The following DNAH11 variants were observed in gnomAD, a reference collection of about 807,000 sequenced individuals.
The protein encoded by DNAH11 is axonemal beta dynein heavy chain 11.
Under a neutral mutation model 526.0 loss-of-function variants are expected in DNAH11, and 442 were observed. The observed-to-expected ratio is 0.84, with a 90% CI of 0.78 to 0.91. The LOEUF is 0.91. DNAH11 is among the 40% of genes least tolerant of loss of function. The probability of loss-of-function intolerance (pLI) is 0.00; values close to 1 mark genes in which losing one functional copy is unlikely to be tolerated. For synonymous variants in DNAH11, 2,461 were observed against 1,935.9 expected (o/e 1.27, Z -7.12); for missense variants, 6,989 against 5,448.7 (o/e 1.28, Z -8.90).
intron 6 of DNAH11, 103 bp downstream of exon 6, chr7:21,564,500 T>C: frequency 3.9e-6 from 3 of 772,524 alleles, no homozygotes; most frequent in Non-Finnish European, 5.8e-6. Context: ...ACACCATCTT[T>C]CTTTTTCTTT....
rs114768888 is a variant in DNAH11, at chr7:21,687,349, G to A, written c.5779-33G>A. On this transcript the variant is annotated intron_variant, in intron 33 of 81. Transcript: ENST00000409508. ...ATATAATAGCGTAAAAACCCCTTCT[G>A]TTAAATTCTGAGTGCCTCACTTTAT... The A allele has an allele frequency of 7.1e-4, 1,130 of 1,588,104 alleles. 6 individuals are homozygous for A. The African/African-American group carries it at 0.014, about 19-fold the overall frequency.
chr7:21,682,518 T>C (rs952208614), intron 31 of DNAH11, among the ~76,000 whole-genome samples: 7 of 96,442 alleles, frequency 7.3e-5, no homozygotes, highest in Admixed American at 6.7e-4. Flanking sequence ...AGAGCGAGAC[T>C]CCATCTCAAA....
chr7:21,770,839 G>A (rs1190505970), intron 55 of DNAH11, among the ~76,000 whole-genome samples: 1 of 152,098 alleles, frequency 6.6e-6, no homozygotes, highest in Non-Finnish European at 1.5e-5. Context: ...CTTTGTCCCT[G>A]GCTCCCTCCG....
intron 54 of DNAH11, among the ~76,000 whole-genome samples, chr7:21,756,385 G>C (rs573207513): frequency 6.6e-6 from 1 of 151,838 alleles, no homozygotes; most frequent in African/African-American, 2.4e-5. Context: ...ATTTGTTCCT[G>C]CATAATTGCC....
intron 49 of DNAH11, 24 bp from the exon 50 acceptor site, chr7:21,744,414 A>ATT (rs1562522168): frequency 4.4e-6 from 7 of 1,608,962 alleles, no homozygotes; most frequent in Admixed American, 1.7e-5. Context: ...AATTAAAGGT[A>ATT]TTTTCCCCAT....
chr7:21,819,043 C>T (rs1331228200), intron 65 of DNAH11, among the ~76,000 whole-genome samples: 3 of 152,108 alleles, frequency 2.0e-5, no homozygotes, highest in Non-Finnish European at 2.9e-5. Flanking sequence ...TCAGGTGCAG[C>T]AATTGTGTCT....
At chr7:21,644,638 G>T (rs62447804) in intron 28 of DNAH11, among the ~76,000 whole-genome samples, 31 of 152,312 alleles carry the variant, frequency 2.0e-4, no homozygotes, top group African/African-American at 7.5e-4. Flanking sequence ...CAGAAAAGGG[G>T]TCATGGTTTT....
chr7:21,612,225 T>A (rs1397452877), intron 20 of DNAH11, among the ~76,000 whole-genome samples: 1 of 151,990 alleles, frequency 6.6e-6, no homozygotes, highest in Non-Finnish European at 1.5e-5. Flanking sequence ...AAGAAAAATA[T>A]TAACCAGTAG....
intron 31 of DNAH11, 51 bp downstream of exon 31, chr7:21,681,728 G>A (rs773253778): frequency 6.2e-7 from 1 of 1,605,786 alleles, no homozygotes; most frequent in South Asian, 1.1e-5. Context: ...CCTGAAAGTG[G>A]TGTTTATTGC....
rs1342708760 is a variant in DNAH11 at position 21,867,937 on chromosome 7, C to T, written c.11769C>T (p.Ser3923=). 3.2e-6 allele frequency: 5 copies of T among 1,572,206 alleles called. No homozygotes were observed. The highest frequency in any genetic ancestry group is 4.3e-6 in the Non-Finnish European group (5 of 1,157,450). Reference sequence around the variant, plus strand: ...ACTTAGTTAAAGCATTCGAAGAAAGCAGCCCAGCCACCCCCATATTCTTCA... The same window carrying T: ...ACTTAGTTAAAGCATTCGAAGAAAGTAGCCCAGCCACCCCCATATTCTTCA... ...RLDLVKAFEE[S]SPATPIFFIL... The change falls in exon 72 of 82, where the codon AGC becomes AGT. Residue 3923 remains serine, a synonymous_variant. Coordinates refer to ENST00000409508, the MANE Select transcript of DNAH11 (RefSeq NM_001277115.2).
chr7:21,710,717 C>G lies in DNAH11; in HGVS notation c.6834+14C>G. ...GATGATAACAAGGTGAATAAAACCT[C>G]TGTTCTCAACCTTAAATATAACATC... On this transcript the variant is annotated intron_variant, in intron 41 of 81. Transcript: ENST00000409508. The G allele has an allele frequency of 6.2e-7, 1 of 1,603,372 alleles. No individual in the cohort carries two copies. Among genetic ancestry groups the G allele is most frequent in the Non-Finnish European group, 8.5e-7 (1 of 1,175,206 alleles).
intron 14 of DNAH11, among the ~76,000 whole-genome samples, chr7:21,597,315 A>G (rs930764957): frequency 2.0e-5 from 3 of 152,186 alleles, no homozygotes; most frequent in African/African-American, 7.2e-5. Flanking sequence ...CTGGGAGGTC[A>G]AGAGGGCTGG....
chr7:21,600,228 G>C (rs1785024197), intron 15 of DNAH11, 109 bp downstream of exon 15: 1 of 968,524 alleles, frequency 1.0e-6, no homozygotes, highest in Non-Finnish European at 1.5e-6. Context: ...GGGAGGCTGA[G>C]GCAAGAGGAT....
At chr7:21,645,539 A>C in intron 28 of DNAH11, among the ~76,000 whole-genome samples, 1 of 152,152 alleles carries the variant, frequency 6.6e-6, no homozygotes, top group Admixed American at 6.6e-5. Flanking sequence ...GGAACTTGAA[A>C]GAAGGAGAGA....
chr7:21,555,310 T>G (rs1459689753), intron 2 of DNAH11, among the ~76,000 whole-genome samples: 1 of 152,188 alleles, frequency 6.6e-6, no homozygotes, highest in African/African-American at 2.4e-5. Flanking sequence ...TGTCCCTGAT[T>G]CAAGGGTTGT....
chr7:21,862,847 C>A (rs969444862), intron 69 of DNAH11, among the ~76,000 whole-genome samples: 1 of 151,910 alleles, frequency 6.6e-6, no homozygotes, highest in African/African-American at 2.4e-5. Flanking sequence ...GGAGGATCAC[C>A]AGGTCAGGAG....
In DNAH11 at chr7:21,619,087, T is replaced by G; in HGVS notation, c.4255-13T>G. 6.2e-7 allele frequency: 1 copy of G among 1,613,266 alleles called. No individual in the cohort carries two copies. Among genetic ancestry groups the G allele is most frequent in the South Asian group, 1.1e-5 (1 of 91,060 alleles). ...TGTGGAATATAAAGTCTAACTTTTTTTCCCCCAATCAGGTCAAGTTTTTAA... is the reference window on the plus strand; with the variant it reads ...TGTGGAATATAAAGTCTAACTTTTTGTCCCCCAATCAGGTCAAGTTTTTAA... On this transcript the variant is annotated splice_polypyrimidine_tract_variant and intron_variant, in intron 23 of 81. Coordinates refer to ENST00000409508, the MANE Select transcript of DNAH11 (RefSeq NM_001277115.2).
chr7:21,615,085 G>C (rs1245632536), intron 20 of DNAH11, 29 bp from the exon 21 acceptor site: 3 of 1,574,590 alleles, frequency 1.9e-6, no homozygotes, highest in African/African-American at 2.8e-5. Context: ...CTGGCAGTTT[G>C]TATGCAGGTG....
chr7:21,776,126 C>T (rs760111460), intron 56 of DNAH11, among the ~76,000 whole-genome samples: 11 of 152,086 alleles, frequency 7.2e-5, no homozygotes, highest in South Asian at 2.1e-4. Context: ...AGGAGAGAGA[C>T]GGGAGGGCCG....
Sources: gnomAD v4.1 joint callset for allele counts (sites outside exome capture counted in the v4.1 genomes callset) on GRCh38, gnomAD v4.1.1 for gene constraint, MANE v1.5 for transcripts, NCBI Gene and HGNC (gene_info 2026-07-23, HGNC 2026-07-21) for gene names.